Variants in HS6ST3 observed in about 807,000 individuals in gnomAD.
HS6ST3 encodes heparan-sulfate 6-O-sulfotransferase 3.
A neutral mutation model predicts 36.7 loss-of-function variants in HS6ST3; 12 were observed. The observed-to-expected ratio is 0.33, with a 90% CI of 0.21 to 0.53. HS6ST3 has a LOEUF of 0.53. HS6ST3 is among the 20% of genes least tolerant of loss of function. HS6ST3 has a pLI of 0.95. For synonymous variants in HS6ST3, 240 were observed against 257.5 expected, an observed-to-expected ratio of 0.93 and a Z score of 0.65; for missense variants, 584 against 640.9, an observed-to-expected ratio of 0.91 and a Z score of 0.96.
chr13:96,307,795 G>A (rs927358490), intron 1 of HS6ST3, among the ~76,000 whole-genome samples: 4 of 152,010 alleles, frequency 2.6e-5, no homozygotes, highest in Admixed American at 1.3e-4. Context: ...TAAAGATGCT[G>A]TAATTTGCTT....
chr13:96,229,055 G>A (rs972692419), intron 1 of HS6ST3, among the ~76,000 whole-genome samples: 2 of 152,098 alleles, frequency 1.3e-5, no homozygotes, highest in Non-Finnish European at 2.9e-5. Context: ...TTATCATAAG[G>A]GAGCCAAAAT....
chr13:96,594,020 G>A lies in HS6ST3; in HGVS notation c.708-238470G>A, dbSNP rs575016755. Among the ~76,000 whole-genome samples the A allele has an allele frequency of 2.9e-4, 44 of 151,346 alleles. No homozygotes were observed. The South Asian group carries it at 4.8e-3, about 17-fold the overall frequency. On this transcript the variant is annotated intron_variant, in intron 1 of 1. Coordinates refer to ENST00000376705, the MANE Select transcript of HS6ST3 (RefSeq NM_153456.4). ...TTCCCAGGCTGGAGTGCAATGGCGC[G>A]ATCTCAGCTCACCGCGATCTCAGCT...
At chr13:96,271,455 C>G (rs1030585929) in intron 1 of HS6ST3, among the ~76,000 whole-genome samples, 18 of 152,098 alleles carry the variant, frequency 1.2e-4, no homozygotes, top group African/African-American at 4.3e-4. Flanking sequence ...CTGACAATCA[C>G]ACAGTTACAG....
At chr13:96,371,533 T>C (rs2055290209) in intron 1 of HS6ST3, among the ~76,000 whole-genome samples, 1 of 152,164 alleles carries the variant, frequency 6.6e-6, no homozygotes, top group African/African-American at 2.4e-5. Context: ...AATTTTTAGC[T>C]ATAGTCACTA....
At chr13:96,678,746 G>C (rs1325133595) in intron 1 of HS6ST3, among the ~76,000 whole-genome samples, 1 of 151,950 alleles carries the variant, frequency 6.6e-6, no homozygotes, top group East Asian at 1.9e-4. Context: ...CAAAAGCAAT[G>C]TGAAGAATTG....
intron 1 of HS6ST3, among the ~76,000 whole-genome samples, chr13:96,645,061 G>T (rs553445112): frequency 4.9e-4 from 75 of 151,962 alleles, no homozygotes; most frequent in Non-Finnish European, 9.4e-4. Context: ...GAGGCCTAAT[G>T]ATTTTTTTTT....
chr13:96,439,377 G>C (rs1264326532), intron 1 of HS6ST3, among the ~76,000 whole-genome samples: 1 of 152,234 alleles, frequency 6.6e-6, no homozygotes, highest in Non-Finnish European at 1.5e-5. Context: ...TAGCAAGATG[G>C]TTCCGTTTGT....
At chr13:96,252,388 T>A (rs992960726) in intron 1 of HS6ST3, among the ~76,000 whole-genome samples, 2 of 152,188 alleles carry the variant, frequency 1.3e-5, no homozygotes, top group Non-Finnish European at 2.9e-5. Flanking sequence ...ACCTGGCAAT[T>A]CTTGGGGTCT....
chr13:96,580,224 A>G (rs867588910), intron 1 of HS6ST3, among the ~76,000 whole-genome samples: 27 of 144,076 alleles, frequency 1.9e-4, no homozygotes, highest in Admixed American at 7.0e-4. Flanking sequence ...ATATATATAT[A>G]TATTTATGAA....
At chr13:96,737,290 A>C (rs1876307418) in intron 1 of HS6ST3, among the ~76,000 whole-genome samples, 1 of 152,230 alleles carries the variant, frequency 6.6e-6, no homozygotes, top group Non-Finnish European at 1.5e-5. Context: ...TTTGTAAAGA[A>C]ACATAGAATA....
At chr13:96,592,821 G>T (rs923609870) in intron 1 of HS6ST3, among the ~76,000 whole-genome samples, 1 of 151,932 alleles carries the variant, frequency 6.6e-6, no homozygotes, top group East Asian at 1.9e-4. Context: ...GAGCTCCATT[G>T]TATGTTATTT....
chr13:96,687,412 T>C (rs978109348), intron 1 of HS6ST3, among the ~76,000 whole-genome samples: 4 of 152,062 alleles, frequency 2.6e-5, no homozygotes, highest in Non-Finnish European at 5.9e-5. Flanking sequence ...GGGCAACTTA[T>C]GTTTGTAACA....
chr13:96,385,180 C>CAAA (rs11317656), intron 1 of HS6ST3, among the ~76,000 whole-genome samples: 16 of 129,312 alleles, frequency 1.2e-4, no homozygotes, highest in South Asian at 5.1e-4. Context: ...ACTCTGTATC[C>CAAA]AAAAAAAAAA....
intron 1 of HS6ST3, among the ~76,000 whole-genome samples, chr13:96,487,416 T>C (rs879437534): frequency 7.9e-5 from 12 of 152,238 alleles, no homozygotes; most frequent in Admixed American, 7.2e-4. Flanking sequence ...TTATAGGTAA[T>C]GGCTTAAAAA....
chr13:96,464,024 T>G (rs1454666683), intron 1 of HS6ST3, among the ~76,000 whole-genome samples: 2 of 27,322 alleles, frequency 7.3e-5, no homozygotes, highest in Non-Finnish European at 2.8e-4. Context: ...GACAGGTTTT[T>G]TTTTTTTTTT....
chr13:96,795,710 C>A (rs946257860), intron 1 of HS6ST3, among the ~76,000 whole-genome samples: 13 of 152,090 alleles, frequency 8.5e-5, no homozygotes, highest in Non-Finnish European at 1.6e-4. Flanking sequence ...CCAGAGGGCC[C>A]AAAGAGAATC....
At chr13:96,602,121 A>G (rs530818363) in intron 1 of HS6ST3, among the ~76,000 whole-genome samples, 15 of 152,212 alleles carry the variant, frequency 9.9e-5, no homozygotes, top group Non-Finnish European at 2.2e-4. Flanking sequence ...GCTGTGGCTG[A>G]AGCAGGTGGG....
At chr13:96,119,027 T>A (rs1198574401) in intron 1 of HS6ST3, among the ~76,000 whole-genome samples, 1 of 152,086 alleles carries the variant, frequency 6.6e-6, no homozygotes, top group Non-Finnish European at 1.5e-5. Context: ...AGATATTTGC[T>A]GGAGAATTAT....
At chr13:96,271,197 G>A (rs1345938725) in intron 1 of HS6ST3, among the ~76,000 whole-genome samples, 3 of 151,768 alleles carry the variant, frequency 2.0e-5, no homozygotes, top group Admixed American at 6.6e-5. Flanking sequence ...ATTGAATGTC[G>A]AGTTGGAAAG....
Sources: gnomAD v4.1 joint callset for allele counts (sites outside exome capture counted in the v4.1 genomes callset) on GRCh38, gnomAD v4.1.1 for gene constraint, MANE v1.5 for transcripts, NCBI Gene and HGNC (gene_info 2026-07-23, HGNC 2026-07-21) for gene names.